IL20RB: variants seen among roughly 807,000 people sequenced by gnomAD.
The protein encoded by IL20RB is interleukin 20 receptor subunit beta, also known as interleukin-20 receptor subunit beta.
In IL20RB, 21 loss-of-function variants were observed where a neutral mutation model predicts 33.3. The observed-to-expected ratio is 0.63, with a 90% CI of 0.45 to 0.91. IL20RB has a LOEUF of 0.91. Ranked by LOEUF, IL20RB falls within the 40% of genes least tolerant of loss-of-function variation. IL20RB has a pLI of 0.00. For synonymous variants in IL20RB, 147 were observed against 146.8 expected, an observed-to-expected ratio of 1.00 and a Z score of -0.01; for missense variants, 345 against 384.8, an observed-to-expected ratio of 0.90 and a Z score of 0.86.
intron 6 of IL20RB, among the ~76,000 whole-genome samples, chr3:137,004,140 G>C (rs1942301555): frequency 6.6e-6 from 1 of 152,156 alleles, no homozygotes; most frequent in South Asian, 2.1e-4. Context: ...TAAGCTTTTT[G>C]ATGTGCTGCT....
At chr3:137,001,284 C>T (rs1011531539) in intron 6 of IL20RB, among the ~76,000 whole-genome samples, 1 of 152,196 alleles carries the variant, frequency 6.6e-6, no homozygotes, top group African/African-American at 2.4e-5. Context: ...TACGTGCATT[C>T]CCTTCCGTAA....
At chr3:137,003,156 T>G (rs1166906404) in intron 6 of IL20RB, among the ~76,000 whole-genome samples, 1 of 152,228 alleles carries the variant, frequency 6.6e-6, no homozygotes, top group Non-Finnish European at 1.5e-5. Context: ...AGTACCATGC[T>G]GTTTTGGTTA....
At chr3:136,973,279 A>C (rs937144437) in intron 1 of IL20RB, among the ~76,000 whole-genome samples, 1 of 151,796 alleles carries the variant, frequency 6.6e-6, no homozygotes, top group African/African-American at 2.4e-5. Context: ...CAGGAGATAG[A>C]GACCATCCTG....
In IL20RB at chr3:136,958,303, A is replaced by G. The variant is rs568339103; in HGVS notation, c.88+102A>G. On this transcript the variant is annotated intron_variant, in intron 1 of 6. Transcript: ENST00000329582. ...GCCTGGGGTTGAAATATGTGTATAG[A>G]ATATCGTATATCTGTTTTACAAAAG... 3.8e-5 allele frequency: 26 copies of G among 678,770 alleles called. No individual in the cohort carries two copies. The South Asian group carries it at 4.1e-4, about 11-fold the overall frequency. 42.0% of individuals were successfully genotyped at this position (678,770 alleles called of 1,614,324 possible).
chr3:136,970,101 T>G (rs561521606), intron 1 of IL20RB, among the ~76,000 whole-genome samples: 26 of 147,588 alleles, frequency 1.8e-4, no homozygotes, highest in Admixed American at 1.4e-4. Context: ...TGTTTTTTTG[T>G]TTTTTTTTTA....
chr3:136,973,125 G>C (rs1323507208), intron 1 of IL20RB, among the ~76,000 whole-genome samples: 1 of 151,984 alleles, frequency 6.6e-6, no homozygotes, highest in East Asian at 1.9e-4. Flanking sequence ...AGTTTTTCTT[G>C]GTGTTGGTTT....
intron 3 of IL20RB, among the ~76,000 whole-genome samples, chr3:136,988,100 C>T (rs147004529): frequency 1.9e-3 from 297 of 152,326 alleles, no homozygotes; most frequent in East Asian, 6.4e-3. Context: ...GCAGAGGACG[C>T]GCCCAGAGTG....
chr3:137,007,508 C>T (rs1942373112), intron 6 of IL20RB, among the ~76,000 whole-genome samples: 1 of 152,210 alleles, frequency 6.6e-6, no homozygotes, highest in Non-Finnish European at 1.5e-5. Flanking sequence ...GATGCCCCTC[C>T]CCAAGCCAGG....
At chr3:136,978,142 G>T (rs1334422159) in intron 1 of IL20RB, among the ~76,000 whole-genome samples, 1 of 151,092 alleles carries the variant, frequency 6.6e-6, no homozygotes, top group Non-Finnish European at 1.5e-5. Context: ...CTCTTAACTT[G>T]AAGAGAGTTT....
intron 1 of IL20RB, among the ~76,000 whole-genome samples, chr3:136,961,273 G>C (rs944839002): frequency 2.6e-5 from 4 of 152,146 alleles, no homozygotes; most frequent in Admixed American, 6.5e-5. Flanking sequence ...CTAAGAGCCT[G>C]CTGGGAAGTA....
rs2108209764 is a variant in IL20RB, at chr3:136,992,050, A to G, written c.644A>G (p.Tyr215Cys). 1.2e-6 allele frequency: 2 copies of G among 1,614,220 alleles called. No individual in the cohort carries two copies. Among genetic ancestry groups the G allele is most frequent in the East Asian group, 2.2e-5 (1 of 44,882 alleles). Residue 215 changes from tyrosine (Y) to cysteine (C), a missense_variant, in exon 5 of 7, where the codon TAC becomes TGC. Physicochemically the swap from Tyr to Cys is radical, Grantham distance 194. Transcript: ENST00000329582. The stretch of plus-strand genomic sequence containing the variant: ...ACATTCGTGAAGGCCATTGGGAGGT[A>G]CAGCGCCTTCAGCCAGACAGAATGT... ...AQTFVKAIGRYSAFSQTECVE... is the reference protein window; with the variant it reads ...AQTFVKAIGRCSAFSQTECVE...
At position 137,010,095 on chromosome 3, in the gene IL20RB, A is replaced by G. The variant is rs772161662; in HGVS notation, c.826-18A>G. ...TACTGCTATCCTCTAATGAATATTA[A>G]TGAAAATTATTTTTCAGAAAATAAC... On this transcript the variant is annotated intron_variant, in intron 6 of 6. Coordinates refer to ENST00000329582, the MANE Select transcript of IL20RB (RefSeq NM_144717.4). 4.3e-6 allele frequency: 5 copies of G among 1,174,582 alleles called. No individual in the cohort carries two copies. Among genetic ancestry groups the G allele is most frequent in the Admixed American group, 3.4e-5 (2 of 59,516 alleles). 72.8% of individuals were successfully genotyped at this position (1,174,582 alleles called of 1,614,324 possible). A position where few individuals can be genotyped will look rare whatever the true frequency, so the allele number is the denominator to read the frequency against.
At chr3:136,983,925 C>T (rs908613966) in intron 3 of IL20RB, among the ~76,000 whole-genome samples, 1 of 152,196 alleles carries the variant, frequency 6.6e-6, no homozygotes, top group African/African-American at 2.4e-5. Flanking sequence ...CAGCCTTGCC[C>T]TCCTGGGCTC....
At chr3:137,005,418 C>T (rs377256121) in intron 6 of IL20RB, among the ~76,000 whole-genome samples, 1 of 152,162 alleles carries the variant, frequency 6.6e-6, no homozygotes. Context: ...TTGTAGTTCT[C>T]TAAGGACTTG....
intron 1 of IL20RB, among the ~76,000 whole-genome samples, chr3:136,972,987 T>C (rs1311762142): frequency 6.6e-6 from 1 of 152,138 alleles, no homozygotes; most frequent in African/African-American, 2.4e-5. Flanking sequence ...TTTGCTATGT[T>C]GTGTTCGATT....
chr3:136,994,987 G>C (rs1942098108), intron 5 of IL20RB, among the ~76,000 whole-genome samples: 1 of 152,200 alleles, frequency 6.6e-6, no homozygotes. Context: ...TCAATGCCAA[G>C]AGTGAATTGT....
chr3:136,998,268 A>G (rs534290055), intron 6 of IL20RB, among the ~76,000 whole-genome samples: 1 of 151,732 alleles, frequency 6.6e-6, no homozygotes, highest in Admixed American at 6.6e-5. Context: ...TAAGAGTTAC[A>G]ATATACATAT....
chr3:136,986,637 C>A (rs1941905319), intron 3 of IL20RB: 3 of 456,274 alleles, frequency 6.6e-6, no homozygotes, highest in African/African-American at 6.0e-5. Context: ...GGCATAAACA[C>A]TTCTCTGATG....
intron 6 of IL20RB, among the ~76,000 whole-genome samples, chr3:137,003,509 G>C (rs1942287776): frequency 6.6e-6 from 1 of 152,104 alleles, no homozygotes; most frequent in Non-Finnish European, 1.5e-5. Context: ...TGGATTCCTA[G>C]GTATTTTATT....
Sources: gnomAD v4.1 joint callset for allele counts (sites outside exome capture counted in the v4.1 genomes callset) on GRCh38, gnomAD v4.1.1 for gene constraint, MANE v1.5 for transcripts, NCBI Gene and HGNC (gene_info 2026-07-23, HGNC 2026-07-21) for gene names.